The following DOCK9 variants were observed in gnomAD, a reference collection of about 807,000 sequenced individuals.
DOCK9 encodes the protein dedicator of cytokinesis protein 9.
Under a neutral mutation model 263.3 loss-of-function variants are expected in DOCK9, and 89 were observed. That is an observed-to-expected ratio of 0.34 (90% CI 0.28 to 0.40). The LOEUF (loss-of-function observed/expected upper bound fraction) is 0.40, where lower values mean the gene tolerates loss of function less well. Ranked by LOEUF, DOCK9 falls within the 10% of genes least tolerant of loss-of-function variation. The pLI is 1.00. For synonymous variants in DOCK9, 976 were observed against 973.1 expected (o/e 1.00, Z -0.06); for missense variants, 2,140 against 2,603.4 (o/e 0.82, Z 3.87).
chr13:98,870,986 G>A (rs1158083067), intron 27 of DOCK9, among the ~76,000 whole-genome samples: 5 of 152,098 alleles, frequency 3.3e-5, no homozygotes, highest in African/African-American at 1.2e-4. Flanking sequence ...AATGCAAGGT[G>A]TGAACTTTGT....
chr13:98,809,764 T>C (rs780329910), intron 46 of DOCK9, among the ~76,000 whole-genome samples: 27 of 152,196 alleles, frequency 1.8e-4, no homozygotes, highest in Non-Finnish European at 2.9e-5. Flanking sequence ...TTGCTTTTCC[T>C]GCTCTGTTTG....
chr13:98,846,773 G>A (rs2093406045), intron 37 of DOCK9: 1 of 359,190 alleles, frequency 2.8e-6, no homozygotes, highest in African/African-American at 2.1e-5. Flanking sequence ...CATGCTGCTG[G>A]GTGACTTCAA....
chr13:98,866,011 C>T (rs1265079429), intron 30 of DOCK9, among the ~76,000 whole-genome samples: 3 of 152,038 alleles, frequency 2.0e-5, no homozygotes, highest in African/African-American at 7.3e-5. Flanking sequence ...AGGGTTAGAT[C>T]AGGGGACACT....
chr13:99,062,676 C>T (rs890803825), intron 1 of DOCK9, among the ~76,000 whole-genome samples: 1 of 152,182 alleles, frequency 6.6e-6, no homozygotes, highest in Non-Finnish European at 1.5e-5. Flanking sequence ...GTTCACTGCT[C>T]GTAACAGGAA....
intron 2 of DOCK9, among the ~76,000 whole-genome samples, chr13:98,933,874 T>C (rs1280562954): frequency 4.0e-5 from 2 of 49,530 alleles, no homozygotes; most frequent in African/African-American, 1.1e-4. Context: ...TCTGTTGTTG[T>C]TGTTGTTGTT....
chr13:98,927,328 G>A (rs2053130566), intron 3 of DOCK9, among the ~76,000 whole-genome samples: 1 of 152,096 alleles, frequency 6.6e-6, no homozygotes, highest in Non-Finnish European at 1.5e-5. Flanking sequence ...TCAGATTTCA[G>A]AATAATCCAT....
chr13:98,831,794 C>T lies in DOCK9; in HGVS notation c.4315-8G>A, dbSNP rs752973703. 4.3e-6 allele frequency: 7 copies of T among 1,613,066 alleles called. No homozygotes were observed. The highest frequency in any genetic ancestry group is 5.9e-6 in the Non-Finnish European group (7 of 1,179,532). ...GTCGGCCAGGAGCTGGTTCTTAAAA[C>T]ACACATTGACGGCTTTGTTAGACAT... is the stretch of plus-strand genomic sequence containing the variant. On this transcript the variant is annotated splice_region_variant and splice_polypyrimidine_tract_variant and intron_variant, in intron 39 of 52. Transcript: ENST00000682017.
chr13:98,885,580 A>G (rs1230354532), intron 20 of DOCK9, 128 bp downstream of exon 20: 4 of 1,073,688 alleles, frequency 3.7e-6, no homozygotes, highest in Non-Finnish European at 5.2e-6. Flanking sequence ...GACATGCTAC[A>G]TATCCGTTAC....
At chr13:98,915,307 G>A in intron 8 of DOCK9, 22 bp downstream of exon 8, 2 of 1,609,100 alleles carry the variant, frequency 1.2e-6, no homozygotes, top group South Asian at 1.1e-5. Flanking sequence ...GTATGTGCCT[G>A]GGGGAAGCCA....
At chr13:99,075,758 C>T (rs922123019) in intron 1 of DOCK9, among the ~76,000 whole-genome samples, 11 of 151,812 alleles carry the variant, frequency 7.2e-5, no homozygotes, top group Non-Finnish European at 1.5e-4. Context: ...TGAACATCTA[C>T]TTTGTTAAGA....
intron 1 of DOCK9, among the ~76,000 whole-genome samples, chr13:99,039,700 G>A (rs534690869): frequency 6.6e-6 from 1 of 152,288 alleles, no homozygotes; most frequent in South Asian, 2.1e-4. Context: ...CCCATTCTTG[G>A]TAACAGAATG....
intron 15 of DOCK9, among the ~76,000 whole-genome samples, chr13:98,893,096 G>A (rs767236572): frequency 3.3e-5 from 5 of 152,142 alleles, no homozygotes; most frequent in Non-Finnish European, 5.9e-5. Context: ...GACACAATTT[G>A]GGCAGAGAGA....
chr13:98,953,771 T>C (rs1001054649), intron 2 of DOCK9, among the ~76,000 whole-genome samples: 2 of 152,260 alleles, frequency 1.3e-5, no homozygotes, highest in African/African-American at 2.4e-5. Context: ...TCCGTTCCCA[T>C]GCAGTTTAGT....
intron 33 of DOCK9, chr13:98,860,098 T>A (rs1381388475): frequency 3.5e-5 from 32 of 910,972 alleles, no homozygotes; most frequent in South Asian, 4.5e-5. Flanking sequence ...AAAATATCCC[T>A]TAACAGTATA....
intron 18 of DOCK9, among the ~76,000 whole-genome samples, chr13:98,887,858 A>G (rs1029251626): frequency 2.0e-5 from 3 of 152,234 alleles, no homozygotes; most frequent in South Asian, 2.1e-4. Flanking sequence ...CCTAATTCTT[A>G]GCACCCACAG....
At chr13:98,819,880 T>C (rs1398099045) in intron 45 of DOCK9, among the ~76,000 whole-genome samples, 3 of 152,252 alleles carry the variant, frequency 2.0e-5, no homozygotes, top group African/African-American at 7.2e-5. Context: ...TATTCCTGAA[T>C]AGAAACAATT....
chr13:98,828,118 G>A (rs2140871275), intron 43 of DOCK9, among the ~76,000 whole-genome samples: 1 of 152,316 alleles, frequency 6.6e-6, no homozygotes, highest in Middle Eastern at 3.4e-3. Context: ...CATCAAGACT[G>A]CTGGCAACAC....
intron 50 of DOCK9, among the ~76,000 whole-genome samples, chr13:98,798,227 G>A (rs1440344639): frequency 2.0e-5 from 3 of 152,228 alleles, no homozygotes; most frequent in South Asian, 2.1e-4. Flanking sequence ...GGGGAAGAAC[G>A]TGACTATGTG....
At chr13:98,956,212 A>G (rs898344948) in intron 1 of DOCK9, among the ~76,000 whole-genome samples, 1 of 152,234 alleles carries the variant, frequency 6.6e-6, no homozygotes, top group African/African-American at 2.4e-5. Context: ...TGCACTGAGC[A>G]GGAAAAAGAG....
Sources: allele counts gnomAD v4.1 joint callset (sites outside exome capture counted in the v4.1 genomes callset), GRCh38; gene constraint gnomAD v4.1.1; transcripts MANE v1.5; gene names NCBI Gene and HGNC (gene_info 2026-07-23, HGNC 2026-07-21).